Variants in C6orf89 observed in about 807,000 individuals in gnomAD.
C6orf89 encodes chromosome 6 open reading frame 89, also known as bombesin receptor-activated protein C6orf89.
Under a neutral mutation model 40.7 loss-of-function variants are expected in C6orf89, and 29 were observed. The observed-to-expected ratio is 0.71, with a 90% CI of 0.53 to 0.97. The LOEUF is 0.97. Ranked by LOEUF, C6orf89 falls within the 50% of genes least tolerant of loss-of-function variation. The pLI, the probability that C6orf89 is intolerant of heterozygous loss-of-function variation, is 0.00. For missense variants in C6orf89, 392 were observed against 429.1 expected, an observed-to-expected ratio of 0.91 and a Z score of 0.76; for synonymous variants, 165 against 152.2, an observed-to-expected ratio of 1.08 and a Z score of -0.62.
chr6:36,911,811 C>T (rs1389988437), intron 4 of C6orf89, among the ~76,000 whole-genome samples: 1 of 152,016 alleles, frequency 6.6e-6, no homozygotes, highest in Non-Finnish European at 1.5e-5. Context: ...CAGTATAGTG[C>T]AAACATTCAC....
intron 4 of C6orf89, among the ~76,000 whole-genome samples, chr6:36,905,079 A>G (rs143781685): frequency 6.6e-5 from 10 of 152,328 alleles, no homozygotes; most frequent in Non-Finnish European, 1.2e-4. Flanking sequence ...AAATAAGTAA[A>G]TAAACTGACA....
In C6orf89 at chr6:36,923,927, T is replaced by G. The variant is rs1193243619; in HGVS notation, c.*486T>G. ...GGCCATGGCTGATTAAAGAAGTTCTTGTAGTTTCCCAAGCAAAGTGGAATC... is the reference window on the plus strand; with the variant it reads ...GGCCATGGCTGATTAAAGAAGTTCTGGTAGTTTCCCAAGCAAAGTGGAATC... On this transcript the variant is annotated 3_prime_UTR_variant, in exon 9 of 9. Transcript: ENST00000480824. 1 of 207,540 alleles carries G rather than the reference T, an allele frequency of 4.8e-6. No homozygotes were observed. The highest frequency in any genetic ancestry group is 2.3e-5 in the African/African-American group (1 of 43,440). 12.9% of individuals were successfully genotyped at this position (207,540 alleles called of 1,614,324 possible). A position where few individuals can be genotyped will look rare whatever the true frequency, so the allele number is the denominator to read the frequency against.
At chr6:36,909,520 T>A (rs1207073485) in intron 4 of C6orf89, among the ~76,000 whole-genome samples, 1 of 152,216 alleles carries the variant, frequency 6.6e-6, no homozygotes, top group African/African-American at 2.4e-5. Flanking sequence ...AGGCCATTTA[T>A]ATTTATAATA....
In C6orf89 at chr6:36,894,168, C is replaced by T. The variant is rs114537640; in HGVS notation, c.-119-336C>T. Among the ~76,000 whole-genome samples the T allele has an allele frequency of 5.8e-3, 884 of 152,248 alleles. 7 individuals carry two copies. Among genetic ancestry groups the T allele is most frequent in the African/African-American group, 0.019 (798 of 41,550 alleles). Reference sequence around the variant, plus strand: ...CCCCTTCAGGATTCTCCTACCGGCACACCGTGTTCTCTTCTGTGTGTGATG... The same window carrying T: ...CCCCTTCAGGATTCTCCTACCGGCATACCGTGTTCTCTTCTGTGTGTGATG... On this transcript the variant is annotated intron_variant, in intron 1 of 8. Coordinates refer to ENST00000480824, the MANE Select transcript of C6orf89 (RefSeq NM_001286635.2).
At chr6:36,921,540 G>A (rs1481987829) in intron 8 of C6orf89, among the ~76,000 whole-genome samples, 1 of 152,130 alleles carries the variant, frequency 6.6e-6, no homozygotes, top group African/African-American at 2.4e-5. Flanking sequence ...GATAGTCATT[G>A]CCCATCATGA....
chr6:36,902,565 T>G, intron 4 of C6orf89, 131 bp downstream of exon 4: 1 of 760,638 alleles, frequency 1.3e-6, no homozygotes. Flanking sequence ...CAGTCCCCAC[T>G]AAAACTCTAT....
chr6:36,918,640 A>G (rs969375796), intron 7 of C6orf89, among the ~76,000 whole-genome samples: 10 of 152,142 alleles, frequency 6.6e-5, no homozygotes, highest in African/African-American at 2.4e-4. Context: ...CCCACTTTAT[A>G]TGGGCATATA....
intron 1 of C6orf89, among the ~76,000 whole-genome samples, chr6:36,891,755 A>G (rs1761216739): frequency 6.6e-6 from 1 of 152,244 alleles, no homozygotes; most frequent in South Asian, 2.1e-4. Flanking sequence ...TACTCTGGAT[A>G]TAGCTCCTAG....
chr6:36,923,508 A>G lies in C6orf89; in HGVS notation c.*67A>G. On this transcript the variant is annotated 3_prime_UTR_variant, in exon 9 of 9. Transcript: ENST00000480824. ...CCAGGTTGAAAGGGGAAAAATAAAA[A>G]CAAAAACGATGAAACTGCTTTCTGG... 1 of 1,284,644 alleles carries G rather than the reference A, an allele frequency of 7.8e-7. No homozygotes were observed. 79.6% of individuals were successfully genotyped at this position (1,284,644 alleles called of 1,614,324 possible).
intron 1 of C6orf89, chr6:36,874,783 G>C: frequency 6.2e-7 from 1 of 1,613,934 alleles, no homozygotes; most frequent in Non-Finnish European, 8.5e-7. Flanking sequence ...AGCGAAGCCG[G>C]CGGCGGAATG....
Position 36,924,445 on chromosome 6 carries a change from A to G in C6orf89, c.*1004A>G, listed in dbSNP as rs3074. On this transcript the variant is annotated 3_prime_UTR_variant, in exon 9 of 9. Coordinates refer to ENST00000480824, the MANE Select transcript of C6orf89 (RefSeq NM_001286635.2). ...CCCAAAGTGTTTGTCAGCTGGGTGTACAACTGCCTATGTGATCCTCTGTCT... is the reference window on the plus strand; with the variant it reads ...CCCAAAGTGTTTGTCAGCTGGGTGTGCAACTGCCTATGTGATCCTCTGTCT... The G allele has an allele frequency of 0.3, 46,274 of 152,168 alleles. 8,322 individuals are homozygous for G. Among genetic ancestry groups the G allele is most frequent in the African/African-American group, 0.5 (20,732 of 41,488 alleles). The allele number at this position is 152,168 out of a possible 1,614,324, so 9.4% of individuals were successfully genotyped here.
intron 3 of C6orf89, among the ~76,000 whole-genome samples, chr6:36,901,318 ATTATTTTTTTTTTTTTTTTT>A (rs373767701): frequency 0.45 from 29,874 of 66,290 alleles, 4,208 homozygotes; most frequent in East Asian, 0.54. Context: ...TATTATTATT[ATTATTTTTTTTTTTTTTTTT>A]TTTTTTTTTT....
rs1228657033 is a variant in C6orf89, at chr6:36,926,574, G to T, written c.*3133G>T. The T allele has an allele frequency of 8.3e-6, 1 of 120,316 alleles. No homozygotes were observed. Among genetic ancestry groups the T allele is most frequent in the East Asian group, 2.9e-4 (1 of 3,402 alleles). The allele number at this position is 120,316 out of a possible 1,614,324, so 7.5% of individuals were successfully genotyped here. A position where few individuals can be genotyped will look rare whatever the true frequency, so the allele number is the denominator to read the frequency against. ...GAAAAAAAAAAAGAGAGAGAGAAAAGAAGAGGGGAGGGGAGGGAAAGGGAA... is the reference window on the plus strand; with the variant it reads ...GAAAAAAAAAAAGAGAGAGAGAAAATAAGAGGGGAGGGGAGGGAAAGGGAA... On this transcript the variant is annotated 3_prime_UTR_variant, in exon 9 of 9. Coordinates refer to ENST00000480824, the MANE Select transcript of C6orf89 (RefSeq NM_001286635.2).
chr6:36,886,287 G>T (rs989255364), intron 1 of C6orf89, among the ~76,000 whole-genome samples: 9 of 152,200 alleles, frequency 5.9e-5, no homozygotes, highest in African/African-American at 2.2e-4. Flanking sequence ...GACCTTGCTT[G>T]AACTTGGTTC....
In C6orf89 at chr6:36,925,730, C is replaced by T. The variant is rs1762655722; in HGVS notation, c.*2289C>T. On this transcript the variant is annotated 3_prime_UTR_variant, in exon 9 of 9. Coordinates refer to ENST00000480824, the MANE Select transcript of C6orf89 (RefSeq NM_001286635.2). ...GAGCGACAGGAGTGGCTAGGGGTTG[C>T]CAGCCAGTCCCTTTCTGATGATCAA... 6.6e-6 allele frequency: 1 copy of T among 152,196 alleles called. No homozygotes were observed. Among genetic ancestry groups the T allele is most frequent in the South Asian group, 2.1e-4 (1 of 4,836 alleles). The allele number at this position is 152,196 out of a possible 1,614,324, so 9.4% of individuals were successfully genotyped here. A position where few individuals can be genotyped will look rare whatever the true frequency, so the allele number is the denominator to read the frequency against.
At chr6:36,907,332 A>G (rs1057195627) in intron 4 of C6orf89, among the ~76,000 whole-genome samples, 1 of 150,246 alleles carries the variant, frequency 6.7e-6, no homozygotes, top group Admixed American at 6.6e-5. Flanking sequence ...TAAATAATCT[A>G]TGTAACAGTA....
chr6:36,911,934 C>CG (rs1561871937), intron 4 of C6orf89, among the ~76,000 whole-genome samples: 1 of 145,372 alleles, frequency 6.9e-6, no homozygotes, highest in Non-Finnish European at 1.5e-5. Flanking sequence ...CAGTGAACCC[C>CG]CCCCCCCCGA....
intron 1 of C6orf89, among the ~76,000 whole-genome samples, chr6:36,889,908 C>A (rs1358375122): frequency 6.6e-6 from 1 of 152,090 alleles, no homozygotes; most frequent in Non-Finnish European, 1.5e-5. Flanking sequence ...TCAAGTAGTT[C>A]TGGTAAAAAC....
At chr6:36,871,905 C>A in exon 1 of C6orf89, 1 of 1,539,642 alleles carries the variant, frequency 6.5e-7, no homozygotes, top group Admixed American at 2.3e-5. Context: ...CTCCAGTAAA[C>A]AAAAAGGTCA....
Sources: allele counts gnomAD v4.1 joint callset (sites outside exome capture counted in the v4.1 genomes callset), GRCh38; gene constraint gnomAD v4.1.1; transcripts MANE v1.5; gene names NCBI Gene and HGNC (gene_info 2026-07-23, HGNC 2026-07-21).